OLFM3: variants seen among roughly 807,000 people sequenced by gnomAD.
OLFM3 encodes olfactomedin 3, also known as noelin-3.
In OLFM3, 20 loss-of-function variants were observed where a neutral mutation model predicts 48.6. The observed-to-expected ratio is 0.41, with a 90% CI of 0.29 to 0.60. OLFM3 has a LOEUF of 0.60. OLFM3 is among the 20% of genes least tolerant of loss of function. The pLI, the probability that OLFM3 is intolerant of heterozygous loss-of-function variation, is 0.28. For synonymous variants in OLFM3, 222 were observed against 198.1 expected (o/e 1.12, Z -1.01); for missense variants, 437 against 544.3 (o/e 0.80, Z 1.96).
intron 1 of OLFM3, among the ~76,000 whole-genome samples, chr1:101,898,889 A>T (rs1030110455): frequency 6.6e-6 from 1 of 152,182 alleles, no homozygotes; most frequent in African/African-American, 2.4e-5. Flanking sequence ...ATTGAATGAC[A>T]GCAGTACAAA....
At chr1:101,828,681 A>G (rs944008205) in intron 3 of OLFM3, among the ~76,000 whole-genome samples, 1 of 152,112 alleles carries the variant, frequency 6.6e-6, no homozygotes, top group African/African-American at 2.4e-5. Flanking sequence ...AGCCCTGTCA[A>G]CCCTGACACT....
chr1:101,922,285 C>T (rs1659122456), intron 1 of OLFM3, among the ~76,000 whole-genome samples: 1 of 152,204 alleles, frequency 6.6e-6, no homozygotes, highest in African/African-American at 2.4e-5. Context: ...ATGTAAAGCG[C>T]TTTAGTTTAG....
chr1:101,985,325 G>C (rs1293421232), intron 1 of OLFM3, among the ~76,000 whole-genome samples: 3 of 152,188 alleles, frequency 2.0e-5, no homozygotes, highest in Non-Finnish European at 4.4e-5. Flanking sequence ...CACAGGTTTT[G>C]CGAATTAGAA....
At chr1:101,859,547 G>A (rs1363725848) in intron 1 of OLFM3, among the ~76,000 whole-genome samples, 1 of 152,048 alleles carries the variant, frequency 6.6e-6, no homozygotes, top group Non-Finnish European at 1.5e-5. Flanking sequence ...GAAATGCTTG[G>A]GGACAGAAGT....
chr1:101,971,946 A>G (rs926755029), intron 1 of OLFM3, among the ~76,000 whole-genome samples: 7 of 151,572 alleles, frequency 4.6e-5, no homozygotes, highest in Non-Finnish European at 8.8e-5. Context: ...GTATATACAC[A>G]TACTTATGTA....
intron 1 of OLFM3, among the ~76,000 whole-genome samples, chr1:101,900,697 AG>A (rs1290987448): frequency 6.6e-6 from 1 of 152,184 alleles, no homozygotes; most frequent in African/African-American, 2.4e-5. Context: ...AATAAAGTAA[AG>A]AAAATATATG....
chr1:101,927,857 T>G (rs866710763), intron 1 of OLFM3, among the ~76,000 whole-genome samples: 1 of 151,508 alleles, frequency 6.6e-6, no homozygotes, highest in Admixed American at 6.6e-5. Context: ...TCACAGAGAA[T>G]ATATGGTACA....
At chr1:101,812,579 T>C (rs1384262012) in intron 4 of OLFM3, 6 of 985,538 alleles carry the variant, frequency 6.1e-6, no homozygotes, top group East Asian at 2.3e-4. Flanking sequence ...ATGAGCCTTA[T>C]CTAATCGACA....
At chr1:101,919,238 T>C (rs1214632998) in intron 1 of OLFM3, among the ~76,000 whole-genome samples, 1 of 152,294 alleles carries the variant, frequency 6.6e-6, no homozygotes, top group East Asian at 1.9e-4. Context: ...CTTTATAAAA[T>C]CTTTTTATTT....
rs184529902 is a variant in OLFM3, at chr1:101,955,032, T to G, written c.69+41716A>C. Among the ~76,000 whole-genome samples the G allele has an allele frequency of 1.2e-3, 177 of 152,198 alleles. 1 individual carries two copies. The East Asian group carries it at 0.025, about 21-fold the overall frequency. ...CACACCACCTGGTTCATTATGAGGCTATTTCAGTAGACGAAGTATTATGTA... is the reference window on the plus strand; with the variant it reads ...CACACCACCTGGTTCATTATGAGGCGATTTCAGTAGACGAAGTATTATGTA... On this transcript the variant is annotated intron_variant, in intron 1 of 5. Coordinates refer to ENST00000370103, the MANE Select transcript of OLFM3 (RefSeq NM_058170.4).
intron 1 of OLFM3, among the ~76,000 whole-genome samples, chr1:101,925,063 G>A (rs190073499): frequency 6.6e-6 from 1 of 152,122 alleles, no homozygotes; most frequent in African/African-American, 2.4e-5. Flanking sequence ...ATGAGTAGAT[G>A]CATTTCTCAT....
chr1:101,966,672 C>G (rs1660619133), intron 1 of OLFM3, among the ~76,000 whole-genome samples: 1 of 152,060 alleles, frequency 6.6e-6, no homozygotes, highest in Non-Finnish European at 1.5e-5. Context: ...TCAGTTAGAG[C>G]TAGGGAAGAG....
intron 1 of OLFM3, among the ~76,000 whole-genome samples, chr1:101,899,699 A>G (rs1658327977): frequency 6.6e-6 from 1 of 152,230 alleles, no homozygotes; most frequent in Admixed American, 6.5e-5. Context: ...AATTCTAAAC[A>G]TTCTTATGTA....
At chr1:101,820,671 G>A (rs1469808999) in intron 4 of OLFM3, among the ~76,000 whole-genome samples, 1 of 152,022 alleles carries the variant, frequency 6.6e-6, no homozygotes, top group Non-Finnish European at 1.5e-5. Flanking sequence ...TGGTCTTGAT[G>A]ACTTATGATT....
At chr1:101,919,202 A>T (rs1659018128) in intron 1 of OLFM3, among the ~76,000 whole-genome samples, 1 of 152,156 alleles carries the variant, frequency 6.6e-6, no homozygotes, top group Non-Finnish European at 1.5e-5. Context: ...ATAATTATTA[A>T]ATTATTTCAT....
chr1:101,845,998 C>A (rs1557700317), intron 1 of OLFM3, among the ~76,000 whole-genome samples: 1 of 152,082 alleles, frequency 6.6e-6, no homozygotes, highest in African/African-American at 2.4e-5. Flanking sequence ...TGCTTCTGTA[C>A]CTTTTATTTC....
chr1:101,817,289 T>TC (rs1654377349), intron 4 of OLFM3, among the ~76,000 whole-genome samples: 1 of 152,142 alleles, frequency 6.6e-6, no homozygotes. Context: ...GGAGTCTTGC[T>TC]TCATTGATTT....
chr1:101,951,490 G>T (rs1243517780), intron 1 of OLFM3, among the ~76,000 whole-genome samples: 1 of 152,102 alleles, frequency 6.6e-6, no homozygotes, highest in African/African-American at 2.4e-5. Flanking sequence ...TCATCGGAAT[G>T]ATCAGATGTT....
intron 4 of OLFM3, among the ~76,000 whole-genome samples, chr1:101,820,928 C>A (rs1654580313): frequency 6.6e-6 from 1 of 152,032 alleles, no homozygotes; most frequent in Non-Finnish European, 1.5e-5. Context: ...GTGAAGATGT[C>A]TTTGATGAAT....
Sources: allele counts gnomAD v4.1 joint callset (sites outside exome capture counted in the v4.1 genomes callset), GRCh38; gene constraint gnomAD v4.1.1; transcripts MANE v1.5; gene names NCBI Gene and HGNC (gene_info 2026-07-23, HGNC 2026-07-21).